The following C10orf71 variants were observed in gnomAD, a reference collection of about 807,000 sequenced individuals.
The protein encoded by C10orf71 is chromosome 10 open reading frame 71.
For missense variants in C10orf71, 1,869 were observed against 1,804.5 expected (o/e 1.04, Z -0.65); for synonymous variants, 758 against 726.3 (o/e 1.04, Z -0.70).
chr10:49,302,553 C>T (rs1848746713), intron 1 of C10orf71, among the ~76,000 whole-genome samples: 1 of 152,172 alleles, frequency 6.6e-6, no homozygotes, highest in South Asian at 2.1e-4. Flanking sequence ...CTTGTGAGCC[C>T]CCTCACGGAG....
chr10:49,321,142 C>A (rs1849087356), intron 2 of C10orf71, among the ~76,000 whole-genome samples: 1 of 152,080 alleles, frequency 6.6e-6, no homozygotes, highest in Non-Finnish European at 1.5e-5. Context: ...ACTACAGACA[C>A]CTGCTGTACA....
Position 49,326,964 on chromosome 10 carries a change from A to G in C10orf71, c.*111A>G. The G allele has an allele frequency of 1.8e-6, 1 of 569,798 alleles. No homozygotes were observed. The allele number at this position is 569,798 out of a possible 1,614,324, so 35.3% of individuals were successfully genotyped here. A position where few individuals can be genotyped will look rare whatever the true frequency, so the allele number is the denominator to read the frequency against. ...ACACACACACACACACACACACACG[A>G]TCATCAACACATACTTAGCCTTTTT... On this transcript the variant is annotated 3_prime_UTR_variant, in exon 3 of 3. Coordinates refer to ENST00000374144, the MANE Select transcript of C10orf71 (RefSeq NM_001135196.2).
chr10:49,322,823 C>T lies in C10orf71; in HGVS notation c.278C>T (p.Ser93Leu), dbSNP rs374875968. ...TTACCGTCACAGGGCACGGAACATT[C>T]GGGCTGGGCGGCCACCTTCCAACAG... Reference protein sequence around the residue: ...SQLPSQGTEHSGWAATFQQLP... With the variant: ...SQLPSQGTEHLGWAATFQQLP... Residue 93 changes from serine (S) to leucine (L), a missense_variant, in exon 3 of 3, where the codon TCG (serine) becomes TTG (leucine). Physicochemically the swap from Ser to Leu is moderately radical, Grantham distance 145. Transcript: ENST00000374144. 15 of 1,613,794 alleles carry T rather than the reference C, an allele frequency of 9.3e-6. No homozygotes were observed. The highest frequency in any genetic ancestry group is 5.3e-5 in the African/African-American group (4 of 74,906).
chr10:49,302,768 C>T (rs1400100637), intron 1 of C10orf71, among the ~76,000 whole-genome samples: 2 of 152,296 alleles, frequency 1.3e-5, no homozygotes, highest in East Asian at 3.9e-4. Context: ...TAGAGAGGTG[C>T]ACAGGCTTCA....
At chr10:49,300,362 GC>G (rs1339042237) in intron 1 of C10orf71, among the ~76,000 whole-genome samples, 12 of 150,946 alleles carry the variant, frequency 7.9e-5, no homozygotes, top group African/African-American at 2.9e-4. Context: ...AAACCATATG[GC>G]CTGCAAAACT....
In C10orf71 at chr10:49,323,424, A is replaced by G; in HGVS notation, c.879A>G (p.Thr293=). ...HQPKLLERKD[T]AGTVPESKAP... is the part of the protein sequence containing the mutation. ...CAAAGCTGCTGGAGAGAAAGGACACAGCTGGAACCGTCCCAGAAAGCAAAG... is the reference window on the plus strand; with the variant it reads ...CAAAGCTGCTGGAGAGAAAGGACACGGCTGGAACCGTCCCAGAAAGCAAAG... Residue 293 remains threonine, a synonymous_variant, in exon 3 of 3, where the codon ACA becomes ACG. Coordinates refer to ENST00000374144, the MANE Select transcript of C10orf71 (RefSeq NM_001135196.2). The G allele has an allele frequency of 6.2e-7, 1 of 1,614,058 alleles. No individual in the cohort carries two copies. The highest frequency in any genetic ancestry group is 8.5e-7 in the Non-Finnish European group (1 of 1,179,888).
chr10:49,311,165 T>C (rs1002191948), intron 1 of C10orf71, among the ~76,000 whole-genome samples: 3 of 152,014 alleles, frequency 2.0e-5, no homozygotes, highest in Admixed American at 1.3e-4. Context: ...GTGATTGTGG[T>C]CCCTGAGTTG....
At position 49,322,968 on chromosome 10, in the gene C10orf71, C is replaced by T. The variant is rs769444465; in HGVS notation, c.423C>T (p.Ser141=). 5 of 1,613,866 alleles carry T rather than the reference C, an allele frequency of 3.1e-6. No homozygotes were observed. In the Admixed American group the frequency reaches 8.3e-5, roughly 27 times the overall value. The part of the protein sequence containing the change: ...SGLRSSNKPV[S]KVSTLIKSFD... Reference sequence around the variant, plus strand: ...TAAGGAGCAGCAATAAGCCTGTCTCCAAAGTATCAACACTAATTAAATCTT... The same window carrying T: ...TAAGGAGCAGCAATAAGCCTGTCTCTAAAGTATCAACACTAATTAAATCTT... Residue 141 remains serine (S), a synonymous_variant, in exon 3 of 3, where the codon TCC becomes TCT. Coordinates refer to ENST00000374144, the MANE Select transcript of C10orf71 (RefSeq NM_001135196.2).
At chr10:49,301,030 C>T (rs1423711328) in intron 1 of C10orf71, among the ~76,000 whole-genome samples, 1 of 152,134 alleles carries the variant, frequency 6.6e-6, no homozygotes, top group East Asian at 1.9e-4. Flanking sequence ...CTAAGGAAGC[C>T]CTGGAGACCC....
intron 1 of C10orf71, among the ~76,000 whole-genome samples, chr10:49,308,715 T>C (rs1848859897): frequency 6.6e-6 from 1 of 152,164 alleles, no homozygotes; most frequent in South Asian, 2.1e-4. Flanking sequence ...CCAAAACTGG[T>C]GACGTGAAGC....
chr10:49,301,787 A>G (rs937419062), intron 1 of C10orf71, among the ~76,000 whole-genome samples: 8 of 152,130 alleles, frequency 5.3e-5, no homozygotes, highest in African/African-American at 1.9e-4. Flanking sequence ...CCAATCAACC[A>G]TGAATAGCTT....
intron 2 of C10orf71, among the ~76,000 whole-genome samples, chr10:49,318,299 C>T (rs539037111): frequency 5.9e-5 from 9 of 152,328 alleles, no homozygotes; most frequent in East Asian, 1.9e-4. Context: ...GTCTGAAGAC[C>T]GGAGCATGTG....
At chr10:49,308,089 G>A (rs1848847030) in intron 1 of C10orf71, among the ~76,000 whole-genome samples, 1 of 152,188 alleles carries the variant, frequency 6.6e-6, no homozygotes, top group Non-Finnish European at 1.5e-5. Context: ...AGCTCACAGA[G>A]AAAGCATCAC....
chr10:49,313,585 C>A (rs917657705), intron 1 of C10orf71, among the ~76,000 whole-genome samples: 3 of 152,114 alleles, frequency 2.0e-5, no homozygotes, highest in Admixed American at 2.0e-4. Context: ...TTTGAGAGAG[C>A]AGCTTGGTCC....
upstream of C10orf71, chr10:49,299,040 G>A (rs1176913690): frequency 6.6e-6 from 1 of 152,158 alleles, no homozygotes; most frequent in Non-Finnish European, 1.5e-5. Context: ...GTTAGGGTCC[G>A]GCTAAGCGGC....
rs1448075808 is a variant in C10orf71 at position 49,326,126 on chromosome 10, C to G, written c.3581C>G (p.Thr1194Arg). Residue 1194 changes from threonine (T) to arginine (R), a missense_variant, in exon 3 of 3, where the codon ACG becomes AGG. Physicochemically the swap from Thr to Arg is moderately conservative, Grantham distance 71. Transcript: ENST00000374144. ...AAGCTGGCAAGTAAGAGGAGGAAGACGGATCAGGCTCAGGAGAAGCATGGC... is the reference window on the plus strand; with the variant it reads ...AAGCTGGCAAGTAAGAGGAGGAAGAGGGATCAGGCTCAGGAGAAGCATGGC... ...AKKLASKRRK[T>R]DQAQEKHGES... The G allele has an allele frequency of 1.9e-6, 3 of 1,551,708 alleles. No homozygotes were observed. In the Admixed American group the frequency reaches 5.9e-5, roughly 30 times the overall value.
At chr10:49,304,916 AC>A (rs776308218) in intron 1 of C10orf71, among the ~76,000 whole-genome samples, 5 of 152,216 alleles carry the variant, frequency 3.3e-5, no homozygotes, top group Non-Finnish European at 7.3e-5. Context: ...AGGGGTTTCC[AC>A]AAGCATCAAG....
chr10:49,319,733 T>TATATACATAC (rs1491522089), intron 2 of C10orf71, among the ~76,000 whole-genome samples: 3 of 84,992 alleles, frequency 3.5e-5, no homozygotes, highest in Non-Finnish European at 5.0e-5. Context: ...TATATATATA[T>TATATACATAC]ACACATACAT....
intron 2 of C10orf71, among the ~76,000 whole-genome samples, chr10:49,317,161 C>T (rs1316996953): frequency 6.6e-6 from 1 of 152,152 alleles, no homozygotes; most frequent in Admixed American, 6.5e-5. Context: ...GACTCCTCAC[C>T]ATTTTGACAG....
Sources: gnomAD v4.1 joint callset for allele counts (sites outside exome capture counted in the v4.1 genomes callset) on GRCh38, gnomAD v4.1.1 for gene constraint, MANE v1.5 for transcripts, NCBI Gene and HGNC (gene_info 2026-07-23, HGNC 2026-07-21) for gene names.